Variants in CPEB1 observed in about 807,000 individuals in gnomAD.
CPEB1 encodes the protein cytoplasmic polyadenylation element-binding protein 1.
A neutral mutation model predicts 65.8 loss-of-function variants in CPEB1; 7 were observed. That is an observed-to-expected ratio of 0.11 (90% CI 0.06 to 0.20). The LOEUF (loss-of-function observed/expected upper bound fraction) is 0.20. CPEB1 is among the 10% of genes least tolerant of loss of function. CPEB1 has a pLI of 1.00. For synonymous variants in CPEB1, 262 were observed against 260.0 expected, an observed-to-expected ratio of 1.01 and a Z score of -0.08; for missense variants, 551 against 712.2, an observed-to-expected ratio of 0.77 and a Z score of 2.58.
intron 6 of CPEB1, 52 bp downstream of exon 6, chr15:82,555,818 T>C: frequency 6.4e-7 from 1 of 1,573,708 alleles, no homozygotes; most frequent in South Asian, 1.2e-5. Context: ...TCACTTCCTC[T>C]CTGCTCCCAA....
intron 3 of CPEB1, among the ~76,000 whole-genome samples, chr15:82,591,156 C>G (rs2042219977): frequency 6.6e-6 from 1 of 151,626 alleles, no homozygotes; most frequent in Admixed American, 6.6e-5. Flanking sequence ...GTTCCCTTTT[C>G]CCCCCCGCCA....
intron 3 of CPEB1, chr15:82,583,436 C>A (rs2041485168): frequency 6.6e-6 from 1 of 152,028 alleles, no homozygotes; most frequent in Non-Finnish European, 1.5e-5. Context: ...AATTGGAGAC[C>A]CTTTACAGTG....
chr15:82,623,661 G>A (rs1226030927), intron 3 of CPEB1, among the ~76,000 whole-genome samples: 1 of 152,096 alleles, frequency 6.6e-6, no homozygotes, highest in Non-Finnish European at 1.5e-5. Flanking sequence ...GGACAACAGA[G>A]CGGGACTCCG....
At chr15:82,633,094 T>C (rs1291259233) in intron 1 of CPEB1, 1 of 152,228 alleles carries the variant, frequency 6.6e-6, no homozygotes, top group East Asian at 1.9e-4. Flanking sequence ...GTAGCTTTTT[T>C]TTGACCTTTA....
intron 4 of CPEB1, among the ~76,000 whole-genome samples, chr15:82,564,669 G>A (rs1476688910): frequency 6.6e-6 from 1 of 152,184 alleles, no homozygotes; most frequent in South Asian, 2.1e-4. Flanking sequence ...CCAGCCCATC[G>A]CCAAAACAGA....
intron 1 of CPEB1, among the ~76,000 whole-genome samples, chr15:82,640,415 T>G (rs1027877587): frequency 5.3e-5 from 8 of 152,302 alleles, no homozygotes; most frequent in African/African-American, 1.9e-4. Flanking sequence ...CATAAGCTAG[T>G]ACCCCTTGCG....
At chr15:82,602,675 G>A (rs181232476) in intron 3 of CPEB1, among the ~76,000 whole-genome samples, 14 of 152,160 alleles carry the variant, frequency 9.2e-5, no homozygotes, top group Admixed American at 5.2e-4. Flanking sequence ...GTGAAAACCC[G>A]TCTCTACTAA....
rs139886127 is a variant in CPEB1, at chr15:82,565,909, G to A, written c.460+5435C>T. ...CCCATCCCCATTCACATGCTGGCAG[G>A]AAATCAGCTACAGACATCTCTCAGG... On this transcript the variant is annotated intron_variant, in intron 4 of 12. Coordinates refer to ENST00000684509, the MANE Select transcript of CPEB1 (RefSeq NM_001365242.1). 9.2e-5 allele frequency among the ~76,000 whole-genome samples: 14 copies of A among 152,374 alleles called. No individual in the cohort carries two copies. The East Asian group carries it at 2.7e-3, about 29-fold the overall frequency.
intron 3 of CPEB1, among the ~76,000 whole-genome samples, chr15:82,575,400 G>T (rs1340443506): frequency 6.6e-6 from 1 of 152,126 alleles, no homozygotes; most frequent in African/African-American, 2.4e-5. Context: ...AGGGGAGGGG[G>T]AGTACATAGA....
At chr15:82,612,861 CAAACAAAA>C (rs1271635239) in intron 3 of CPEB1, among the ~76,000 whole-genome samples, 1 of 149,760 alleles carries the variant, frequency 6.7e-6, no homozygotes, top group African/African-American at 2.5e-5. Flanking sequence ...AACAAACAAA[CAAACAAAA>C]CAAACAAACA....
At chr15:82,599,780 G>A (rs2042950562) in intron 3 of CPEB1, among the ~76,000 whole-genome samples, 1 of 151,918 alleles carries the variant, frequency 6.6e-6, no homozygotes. Context: ...ATAAAACCAG[G>A]GCCCAAAATC....
chr15:82,574,593 C>T (rs187811041), intron 3 of CPEB1, among the ~76,000 whole-genome samples: 61 of 151,834 alleles, frequency 4.0e-4, no homozygotes, highest in Admixed American at 3.9e-3. Flanking sequence ...CAGTGGCACA[C>T]GCCTGCAGTC....
rs565657300 is a variant in CPEB1, at chr15:82,548,997, G to T, written c.1480+463C>A. 2.6e-5 allele frequency among the ~76,000 whole-genome samples: 4 copies of T among 152,310 alleles called. No individual in the cohort carries two copies. The South Asian group carries it at 8.3e-4, about 32-fold the overall frequency. ...AGACTTCTGAGTTAGGAAAGCACAG[G>T]CCACACTCTGTTGCCTGACTCACTC... is the stretch of plus-strand genomic sequence containing the variant. On this transcript the variant is annotated intron_variant, in intron 10 of 12. Transcript: ENST00000684509.
intron 3 of CPEB1, among the ~76,000 whole-genome samples, chr15:82,617,517 C>T (rs541313194): frequency 6.0e-4 from 92 of 152,088 alleles, no homozygotes; most frequent in African/African-American, 2.2e-3. Flanking sequence ...GGGTGGGATC[C>T]TGGTACAGAA....
At chr15:82,552,313 T>TA (rs2036411593) in intron 9 of CPEB1, among the ~76,000 whole-genome samples, 167 bp downstream of exon 9, 2 of 151,398 alleles carry the variant, frequency 1.3e-5, no homozygotes, top group African/African-American at 4.9e-5. Context: ...TTTTTTTTTT[T>TA]AATGTAATTG....
At chr15:82,577,880 C>G (rs1445582258) in intron 3 of CPEB1, among the ~76,000 whole-genome samples, 1 of 152,060 alleles carries the variant, frequency 6.6e-6, no homozygotes, top group African/African-American at 2.4e-5. Context: ...GTGGCTCACG[C>G]CTGTAATCCC....
chr15:82,590,706 G>A (rs1280316928), intron 3 of CPEB1, among the ~76,000 whole-genome samples: 1 of 152,110 alleles, frequency 6.6e-6, no homozygotes, highest in Non-Finnish European at 1.5e-5. Context: ...AGTGTCTATT[G>A]TTCCCTTCTT....
chr15:82,627,520 C>T (rs891352361), intron 2 of CPEB1, among the ~76,000 whole-genome samples, 153 bp from the exon 3 acceptor site: 3 of 152,002 alleles, frequency 2.0e-5, no homozygotes, highest in Non-Finnish European at 2.9e-5. Flanking sequence ...GCTAAGTACT[C>T]GGAACTGTAA....
intron 3 of CPEB1, among the ~76,000 whole-genome samples, chr15:82,609,599 C>A (rs1313815971): frequency 1.3e-5 from 2 of 149,032 alleles, no homozygotes; most frequent in African/African-American, 2.5e-5. Flanking sequence ...GTAGAGGAAG[C>A]AACAAAGATT....
Sources: allele counts gnomAD v4.1 joint callset (sites outside exome capture counted in the v4.1 genomes callset), GRCh38; gene constraint gnomAD v4.1.1; transcripts MANE v1.5; gene names NCBI Gene and HGNC (gene_info 2026-07-23, HGNC 2026-07-21).